Variants in SMARCA2 observed in about 807,000 individuals in gnomAD.
SMARCA2 encodes SWI/SNF-related matrix-associated actin-dependent regulator of chromatin subfamily A member 2.
In SMARCA2, 61 loss-of-function variants were observed where a neutral mutation model predicts 199.8. The ratio of observed to expected loss-of-function variants is 0.31; its 90% CI spans 0.25 to 0.38. SMARCA2 has a LOEUF of 0.38. Among genes scored for constraint, SMARCA2 ranks in the 10% least tolerant of loss-of-function variants. The pLI, the probability that SMARCA2 is intolerant of heterozygous loss-of-function variation, is 1.00. For synonymous variants in SMARCA2, 935 were observed against 732.0 expected (o/e 1.28, Z -4.48); for missense variants, 1,344 against 2,012.2 (o/e 0.67, Z 6.35).
Position 2,028,946 on chromosome 9 carries a change from T to C in SMARCA2, c.-36-41T>C, listed in dbSNP as rs187133109. On this transcript the variant is annotated intron_variant, in intron 1 of 33. Coordinates refer to ENST00000349721, the MANE Select transcript of SMARCA2 (RefSeq NM_003070.5). The stretch of plus-strand genomic sequence containing the variant: ...TTGTTTTATTCTGGTCTTAACATCA[T>C]GTTTAAAACATGCCTTCCTTTTTTC... 6.2e-6 allele frequency: 9 copies of C among 1,461,058 alleles called. No individual in the cohort carries two copies. In the Admixed American group the frequency reaches 2.1e-4, roughly 34 times the overall value. 90.5% of individuals were successfully genotyped at this position (1,461,058 alleles called of 1,614,324 possible). A position where few individuals can be genotyped will look rare whatever the true frequency, so the allele number is the denominator to read the frequency against.
Position 2,039,671 on chromosome 9 carries a change from A to C in SMARCA2, c.561A>C (p.Leu187Phe). Residue 187 changes from leucine to phenylalanine, a missense_variant, in exon 4 of 34, where the codon TTA becomes TTC. Transcript: ENST00000349721. The surrounding 1 kb of genome is among the most constrained non-coding windows in gnomAD (Gnocchi z 4.8). ...TGCATCAGCTTCGAGCTCAGATTTT[A>C]GCTTATAAAATGCTGGCCCGAGGCC... Reference protein sequence around the residue: ...VQLHQLRAQILAYKMLARGQP... With the variant: ...VQLHQLRAQIFAYKMLARGQP... The C allele has an allele frequency of 6.2e-7, 1 of 1,614,094 alleles. No individual in the cohort carries two copies. Among genetic ancestry groups the C allele is most frequent in the Non-Finnish European group, 8.5e-7 (1 of 1,180,014 alleles).
Position 2,081,825 on chromosome 9 carries a change from AT to A in SMARCA2, c.2185-4del. 6.2e-7 allele frequency: 1 copy of A among 1,613,606 alleles called. No homozygotes were observed. Among genetic ancestry groups the A allele is most frequent in the Non-Finnish European group, 8.5e-7 (1 of 1,179,760 alleles). ...TGGATAATTGAAGCAATTACTCTTC[AT>A]TTCAGCTCCAGGGCCTGGAATGGAT... On this transcript the variant is annotated splice_region_variant and splice_polypyrimidine_tract_variant and intron_variant, in intron 14 of 33. Coordinates refer to ENST00000349721, the MANE Select transcript of SMARCA2 (RefSeq NM_003070.5).
chr9:2,153,212 T>C (rs1300607946), intron 27 of SMARCA2, among the ~76,000 whole-genome samples: 1 of 152,200 alleles, frequency 6.6e-6, no homozygotes, highest in Non-Finnish European at 1.5e-5. Flanking sequence ...TCGTAAGTTA[T>C]TTGACAAGGA....
intron 3 of SMARCA2, among the ~76,000 whole-genome samples, chr9:2,038,381 AC>A (rs1199855841): frequency 2.6e-5 from 4 of 152,162 alleles, no homozygotes; most frequent in Non-Finnish European, 4.4e-5. Context: ...CTATACCCCC[AC>A]CAGCCTGATT....
In SMARCA2 at chr9:2,161,923, A is replaced by G; in HGVS notation, c.4199+20A>G. ...AGATAGGTGAGTGTTTGGTTCCTTC[A>G]CCTTGATCATCTCTCACCAAGACGC... On this transcript the variant is annotated intron_variant, in intron 28 of 33. Transcript: ENST00000349721. The surrounding 1 kb of genome is among the most constrained non-coding windows in gnomAD (Gnocchi z 4.7). 1.3e-6 allele frequency: 2 copies of G among 1,597,296 alleles called. No homozygotes were observed. The highest frequency in any genetic ancestry group is 4.5e-5 in the East Asian group (2 of 44,738).
chr9:2,160,451 G>C, intron 27 of SMARCA2: 1 of 523,286 alleles, frequency 1.9e-6, no homozygotes, highest in African/African-American at 1.9e-5. Context: ...TAACATGCCA[G>C]GTTGTTTTGT....
At chr9:2,094,603 C>T (rs551241501) in intron 19 of SMARCA2, among the ~76,000 whole-genome samples, 5 of 152,328 alleles carry the variant, frequency 3.3e-5, no homozygotes, top group Admixed American at 6.5e-5. Context: ...GTCGTCCTAA[C>T]GTGGAGCTTA....
chr9:2,154,688 G>A (rs1264669591), intron 27 of SMARCA2, among the ~76,000 whole-genome samples: 2 of 152,156 alleles, frequency 1.3e-5, no homozygotes, highest in Admixed American at 1.3e-4. Flanking sequence ...TCATGAAGGT[G>A]CTTCCAAGTT....
At chr9:2,037,820 C>A (rs1241586839) in intron 3 of SMARCA2, among the ~76,000 whole-genome samples, 1 of 152,212 alleles carries the variant, frequency 6.6e-6, no homozygotes, top group Non-Finnish European at 1.5e-5. Context: ...TTAATTGGCA[C>A]TTTGTTTCAG....
At chr9:2,024,507 C>T (rs986457578) in intron 1 of SMARCA2, among the ~76,000 whole-genome samples, 3 of 152,180 alleles carry the variant, frequency 2.0e-5, no homozygotes, top group African/African-American at 7.2e-5. Flanking sequence ...AAAACATCAT[C>T]GACCTTTTCA....
chr9:2,065,910 G>A lies in SMARCA2; in HGVS notation c.1693-4508G>A, dbSNP rs150116641. ...AAATGGGGGAGACCAGAAGTTTCGA[G>A]AAAAGTCCTGTTTAACTGGATTGAC... On this transcript the variant is annotated intron_variant, in intron 9 of 33. Coordinates refer to ENST00000349721, the MANE Select transcript of SMARCA2 (RefSeq NM_003070.5). Among the ~76,000 whole-genome samples the A allele has an allele frequency of 3.2e-3, 484 of 152,316 alleles. 2 individuals are homozygous for A. The highest frequency in any genetic ancestry group is 0.016 in the South Asian group (77 of 4,830).
chr9:2,147,621 G>T (rs1458451980), intron 27 of SMARCA2, among the ~76,000 whole-genome samples: 2 of 152,300 alleles, frequency 1.3e-5, no homozygotes, highest in African/African-American at 4.8e-5. Context: ...CAAGGCGGGA[G>T]TATCAGCTGA....
At chr9:2,023,113 A>C (rs1818675546) in intron 1 of SMARCA2, among the ~76,000 whole-genome samples, 1 of 152,174 alleles carries the variant, frequency 6.6e-6, no homozygotes, top group Admixed American at 6.5e-5. Context: ...GACTCTTTTG[A>C]GATGGCAACT....
At chr9:2,181,957 A>ATGAC (rs1486233133) in intron 30 of SMARCA2, among the ~76,000 whole-genome samples, 184 bp from the exon 31 acceptor site, 2 of 152,210 alleles carry the variant, frequency 1.3e-5, no homozygotes, top group African/African-American at 4.8e-5. Context: ...GGCAAAAGGA[A>ATGAC]TGACAGTGGG....
At chr9:2,114,326 G>T (rs1193933180) in intron 24 of SMARCA2, among the ~76,000 whole-genome samples, 1 of 152,192 alleles carries the variant, frequency 6.6e-6, no homozygotes, top group East Asian at 1.9e-4. Context: ...TGCTGAGGAA[G>T]AAGTTTTGCC....
chr9:2,043,460 G>C (rs1047447686), intron 4 of SMARCA2: 9 of 152,144 alleles, frequency 5.9e-5, no homozygotes, highest in African/African-American at 2.2e-4. Flanking sequence ...TTTCCTTTCA[G>C]AGATTCAAAC....
chr9:2,127,917 A>T (rs1041509890), intron 27 of SMARCA2, among the ~76,000 whole-genome samples: 4 of 152,162 alleles, frequency 2.6e-5, no homozygotes, highest in Admixed American at 6.6e-5. Flanking sequence ...TTCTGCATTC[A>T]TAATGTTGTT....
rs144363851 is a variant in SMARCA2, at chr9:2,185,489, C to G, written c.4462-607C>G. On this transcript the variant is annotated intron_variant, in intron 31 of 33. Transcript: ENST00000349721. ...GCTAGGAACATGGGTGTGCCAATGT[C>G]TTTTCAAGACGCCTCTTGTGATTCT... Among the ~76,000 whole-genome samples, 573 of 152,328 alleles carry G rather than the reference C, an allele frequency of 3.8e-3. 1 individual carries two copies. The highest frequency in any genetic ancestry group is 0.013 in the African/African-American group (531 of 41,572).
intron 27 of SMARCA2, chr9:2,159,566 G>A (rs759006810): frequency 1.6e-4 from 60 of 368,310 alleles, no homozygotes; most frequent in Admixed American, 2.9e-4. Flanking sequence ...ATGCGAGCAA[G>A]ACTCAGAAAC....
Sources: gnomAD v4.1 joint callset for allele counts (sites outside exome capture counted in the v4.1 genomes callset) on GRCh38, gnomAD v4.1.1 for gene constraint, Gnocchi (gnomAD v3.1) non-coding constraint, MANE v1.5 for transcripts, NCBI Gene and HGNC (gene_info 2026-07-23, HGNC 2026-07-21) for gene names.